SYN2: variants seen among roughly 807,000 people sequenced by gnomAD.
The protein encoded by SYN2 is synapsin-2.
SYN2 carries 19 observed loss-of-function variants against 50.9 expected under a neutral mutation model. The ratio of observed to expected loss-of-function variants is 0.37; its 90% CI spans 0.26 to 0.55. The LOEUF (loss-of-function observed/expected upper bound fraction) is 0.55, where lower values mean the gene tolerates loss of function less well. Among genes scored for constraint, SYN2 ranks in the 20% least tolerant of loss-of-function variants. The probability of loss-of-function intolerance (pLI) is 0.81; values close to 1 mark genes in which losing one functional copy is unlikely to be tolerated. For synonymous variants in SYN2, 255 were observed against 224.9 expected (o/e 1.13, Z -1.20); for missense variants, 587 against 576.4 (o/e 1.02, Z -0.19).
At chr3:12,023,860 C>T (rs1173417752) in intron 1 of SYN2, among the ~76,000 whole-genome samples, 3 of 152,008 alleles carry the variant, frequency 2.0e-5, no homozygotes, top group Admixed American at 6.6e-5. Context: ...GAACTAGAAC[C>T]GTAGCAGTGG....
chr3:12,067,275 C>T (rs1259032439), intron 1 of SYN2, among the ~76,000 whole-genome samples: 3 of 152,058 alleles, frequency 2.0e-5, no homozygotes, highest in Admixed American at 6.5e-5. Context: ...TAATCCAAGT[C>T]ATTCAGTGAT....
intron 5 of SYN2, chr3:12,154,176 C>G (rs1324863607): frequency 1.7e-6 from 2 of 1,184,628 alleles, no homozygotes; most frequent in Non-Finnish European, 2.4e-6. Flanking sequence ...ACTTTGAGAT[C>G]AGGGCCTATA....
chr3:12,133,603 C>T (rs1696835064), intron 1 of SYN2, among the ~76,000 whole-genome samples: 1 of 152,180 alleles, frequency 6.6e-6, no homozygotes, highest in Non-Finnish European at 1.5e-5. Flanking sequence ...TAGGTATTGG[C>T]CTGCCAAGTG....
At chr3:12,009,545 G>A (rs560907937) in intron 1 of SYN2, among the ~76,000 whole-genome samples, 2 of 152,282 alleles carry the variant, frequency 1.3e-5, no homozygotes, top group East Asian at 1.9e-4. Flanking sequence ...GTTAGTGAAA[G>A]AATGGGAACT....
At chr3:12,153,445 G>A in intron 5 of SYN2, 2 of 1,571,334 alleles carry the variant, frequency 1.3e-6, no homozygotes, top group Non-Finnish European at 1.7e-6. Context: ...AATGGCCAAA[G>A]CTCTGCAGGG....
intron 10 of SYN2, among the ~76,000 whole-genome samples, chr3:12,178,408 C>T (rs73813144): frequency 0.034 from 5,189 of 152,230 alleles, 275 homozygotes; most frequent in African/African-American, 0.12. Flanking sequence ...GCTTGTCTGC[C>T]GAAAGCCACA....
chr3:12,053,655 T>C (rs1694921689), intron 1 of SYN2, among the ~76,000 whole-genome samples: 1 of 152,160 alleles, frequency 6.6e-6, no homozygotes, highest in South Asian at 2.1e-4. Context: ...TTACAATGTT[T>C]ACCATACAGG....
chr3:12,037,188 C>T (rs182535125), intron 1 of SYN2, among the ~76,000 whole-genome samples: 3 of 152,208 alleles, frequency 2.0e-5, no homozygotes, highest in Non-Finnish European at 4.4e-5. Context: ...AAGATTTAGG[C>T]TCTTCCTACA....
At chr3:12,153,232 G>T in intron 5 of SYN2, 1 of 506,516 alleles carries the variant, frequency 2.0e-6, no homozygotes, top group Admixed American at 3.2e-5. Flanking sequence ...GGGAGGAAAG[G>T]GAATAGTCCT....
chr3:12,035,511 G>A (rs1045018204), intron 1 of SYN2, among the ~76,000 whole-genome samples: 3 of 152,198 alleles, frequency 2.0e-5, no homozygotes, highest in South Asian at 2.1e-4. Flanking sequence ...CAGCTAATGT[G>A]TAATACCTGA....
intron 1 of SYN2, among the ~76,000 whole-genome samples, chr3:12,009,898 C>T (rs1378853959): frequency 6.6e-6 from 1 of 152,140 alleles, no homozygotes; most frequent in African/African-American, 2.4e-5. Flanking sequence ...CTCAGGAGTT[C>T]AAGACCAGCA....
chr3:12,043,346 A>T (rs1169884930), intron 1 of SYN2, among the ~76,000 whole-genome samples: 1 of 151,792 alleles, frequency 6.6e-6, no homozygotes, highest in Non-Finnish European at 1.5e-5. Flanking sequence ...TTCCTCTCCT[A>T]ATTTCACTTT....
chr3:12,065,020 A>T (rs1260682287), intron 1 of SYN2, among the ~76,000 whole-genome samples: 1 of 152,198 alleles, frequency 6.6e-6, no homozygotes, highest in Non-Finnish European at 1.5e-5. Flanking sequence ...CTACAATGGA[A>T]TGTCGTTCAG....
At chr3:12,039,272 C>G (rs1041358928) in intron 1 of SYN2, among the ~76,000 whole-genome samples, 2 of 152,026 alleles carry the variant, frequency 1.3e-5, no homozygotes, top group Non-Finnish European at 2.9e-5. Context: ...GTTATATAAT[C>G]CTTTATCTAT....
chr3:12,124,271 A>G (rs1027248453), intron 1 of SYN2, among the ~76,000 whole-genome samples: 2 of 152,186 alleles, frequency 1.3e-5, no homozygotes, highest in Admixed American at 6.5e-5. Flanking sequence ...AAATTAAAAC[A>G]TTGCCTAATA....
chr3:12,046,523 A>G lies in SYN2; in HGVS notation c.377+41595A>G, dbSNP rs112604218. Among the ~76,000 whole-genome samples the G allele has an allele frequency of 5.0e-3, 764 of 152,326 alleles. 6 individuals carry two copies. Among genetic ancestry groups the G allele is most frequent in the African/African-American group, 0.017 (704 of 41,554 alleles). ...TCTCCTACTGTAGAAATAGGAAGCT[A>G]TCTAACAGTTTTGATGGAAGAGAGA... On this transcript the variant is annotated intron_variant, in intron 1 of 12. Coordinates refer to ENST00000621198, the MANE Select transcript of SYN2 (RefSeq NM_133625.6).
intron 7 of SYN2, among the ~76,000 whole-genome samples, chr3:12,163,577 G>A (rs1463782738): frequency 6.6e-6 from 1 of 152,048 alleles, no homozygotes; most frequent in Non-Finnish European, 1.5e-5. Flanking sequence ...CAAGAATGAT[G>A]GAATCATCTC....
intron 1 of SYN2, among the ~76,000 whole-genome samples, chr3:12,106,340 C>T (rs1016041390): frequency 3.3e-5 from 5 of 152,208 alleles, no homozygotes. Context: ...CCTGGATAAT[C>T]TCCCTATTTT....
intron 1 of SYN2, among the ~76,000 whole-genome samples, chr3:12,139,288 G>A (rs1172152971): frequency 6.6e-6 from 1 of 152,214 alleles, no homozygotes; most frequent in East Asian, 1.9e-4. Context: ...AGTATTTGTA[G>A]TGGGACTAAT....
Sources: allele counts gnomAD v4.1 joint callset (sites outside exome capture counted in the v4.1 genomes callset), GRCh38; gene constraint gnomAD v4.1.1; transcripts MANE v1.5; gene names NCBI Gene and HGNC (gene_info 2026-07-23, HGNC 2026-07-21).